PTCHD4: variants seen among roughly 807,000 people sequenced by gnomAD.
PTCHD4 encodes patched domain containing 4.
In PTCHD4, 33 loss-of-function variants were observed where a neutral mutation model predicts 58.1. That is an observed-to-expected ratio of 0.57 (90% CI 0.43 to 0.76). The LOEUF is 0.76. Ranked by LOEUF, PTCHD4 falls within the 30% of genes least tolerant of loss-of-function variation. The pLI, the probability that PTCHD4 is intolerant of heterozygous loss-of-function variation, is 0.00. For synonymous variants in PTCHD4, 478 were observed against 409.6 expected, an observed-to-expected ratio of 1.17 and a Z score of -2.02; for missense variants, 1,058 against 1,027.1, an observed-to-expected ratio of 1.03 and a Z score of -0.41.
chr6:48,049,758 G>A (rs1344699651), intron 3 of PTCHD4, among the ~76,000 whole-genome samples: 1 of 151,886 alleles, frequency 6.6e-6, no homozygotes, highest in East Asian at 1.9e-4. Context: ...TTTGCTGGTT[G>A]AGCTACTATT....
intron 1 of PTCHD4, among the ~76,000 whole-genome samples, chr6:48,107,194 C>A (rs1232785328): frequency 6.6e-6 from 1 of 152,164 alleles, no homozygotes; most frequent in South Asian, 2.1e-4. Flanking sequence ...TACCTGACTT[C>A]AAACTATACT....
At chr6:48,046,467 A>G (rs1407259836) in intron 3 of PTCHD4, among the ~76,000 whole-genome samples, 2 of 151,884 alleles carry the variant, frequency 1.3e-5, no homozygotes, top group Non-Finnish European at 2.9e-5. Context: ...TTGAATGAAT[A>G]TATATTCAAT....
intron 3 of PTCHD4, among the ~76,000 whole-genome samples, chr6:48,016,675 G>A (rs1385463664): frequency 6.6e-6 from 1 of 151,926 alleles, no homozygotes; most frequent in African/African-American, 2.4e-5. Flanking sequence ...TTAGTTTCAG[G>A]TTACTGTTCT....
chr6:47,897,840 C>T (rs183692692), intron 4 of PTCHD4, among the ~76,000 whole-genome samples: 1 of 151,488 alleles, frequency 6.6e-6, no homozygotes, highest in Admixed American at 6.6e-5. Flanking sequence ...AGTGAGAGTA[C>T]ATCTCTAACT....
intron 4 of PTCHD4, among the ~76,000 whole-genome samples, chr6:47,904,165 T>C (rs114551899): frequency 6.6e-6 from 1 of 152,172 alleles, no homozygotes. Context: ...GGATTTTGCA[T>C]AGAATAAGAT....
Position 47,960,113 on chromosome 6 carries a change from A to G in PTCHD4, c.898+48521T>C, listed in dbSNP as rs191391724. On this transcript the variant is annotated intron_variant, in intron 4 of 4. Transcript: ENST00000339488. ...GAAGTATGCTATGTAAAGTTCTTATACTATGTATGTAGTGGTAAAGTACCA... is the reference window on the plus strand; with the variant it reads ...GAAGTATGCTATGTAAAGTTCTTATGCTATGTATGTAGTGGTAAAGTACCA... Among the ~76,000 whole-genome samples, 71 of 152,300 alleles carry G rather than the reference A, an allele frequency of 4.7e-4. 1 individual carries two copies. Among genetic ancestry groups the G allele is most frequent in the African/African-American group, 1.2e-3 (49 of 41,586 alleles).
At chr6:48,099,660 T>A (rs1765556143) in intron 1 of PTCHD4, among the ~76,000 whole-genome samples, 1 of 152,208 alleles carries the variant, frequency 6.6e-6, no homozygotes, top group Non-Finnish European at 1.5e-5. Flanking sequence ...CGATATGAGG[T>A]TTAGAATGCA....
At chr6:47,985,166 C>G (rs550371111) in intron 4 of PTCHD4, among the ~76,000 whole-genome samples, 1 of 152,058 alleles carries the variant, frequency 6.6e-6, no homozygotes, top group Non-Finnish European at 1.5e-5. Context: ...CCTGCTTTCT[C>G]TATGTATAGC....
intron 1 of PTCHD4, among the ~76,000 whole-genome samples, chr6:48,086,511 T>G (rs1332454307): frequency 1.3e-5 from 2 of 151,232 alleles, no homozygotes; most frequent in Non-Finnish European, 2.9e-5. Flanking sequence ...CAATTTCTGT[T>G]TTTTTTTCCC....
intron 4 of PTCHD4, among the ~76,000 whole-genome samples, chr6:47,902,595 T>G (rs900113819): frequency 2.0e-5 from 3 of 152,216 alleles, no homozygotes; most frequent in African/African-American, 7.2e-5. Flanking sequence ...ACTAGAAGAT[T>G]AATTAGCAAT....
intron 3 of PTCHD4, among the ~76,000 whole-genome samples, chr6:48,015,966 G>A (rs757837180): frequency 2.0e-5 from 3 of 151,884 alleles, no homozygotes; most frequent in Non-Finnish European, 2.9e-5. Flanking sequence ...AGATCAAGGT[G>A]CCTGAGAACA....
intron 1 of PTCHD4, among the ~76,000 whole-genome samples, chr6:48,085,936 C>T (rs1765255651): frequency 6.6e-6 from 1 of 151,822 alleles, no homozygotes. Flanking sequence ...TCTAATTTGA[C>T]AATGAAAGAA....
At chr6:47,926,348 A>T (rs1353664625) in intron 4 of PTCHD4, among the ~76,000 whole-genome samples, 1 of 152,226 alleles carries the variant, frequency 6.6e-6, no homozygotes, top group Non-Finnish European at 1.5e-5. Context: ...GAACTAGGAT[A>T]CTATTTTTTA....
intron 3 of PTCHD4, among the ~76,000 whole-genome samples, chr6:48,022,039 T>A (rs776439044): frequency 1.3e-5 from 2 of 152,138 alleles, no homozygotes; most frequent in South Asian, 4.1e-4. Flanking sequence ...GTGAAGTTAG[T>A]TGTGTCTTAA....
intron 4 of PTCHD4, among the ~76,000 whole-genome samples, chr6:47,907,445 A>G (rs1297881152): frequency 6.6e-6 from 1 of 152,206 alleles, no homozygotes; most frequent in Non-Finnish European, 1.5e-5. Context: ...AGACAAGAAG[A>G]AGAAAACTGT....
chr6:47,881,740 T>C (rs982929343), intron 4 of PTCHD4, among the ~76,000 whole-genome samples: 22 of 152,274 alleles, frequency 1.4e-4, no homozygotes, highest in Admixed American at 4.6e-4. Context: ...TAAAGACACA[T>C]TGGCCAAACT....
intron 4 of PTCHD4, among the ~76,000 whole-genome samples, chr6:47,889,416 G>A (rs1411953732): frequency 1.3e-5 from 2 of 150,158 alleles, no homozygotes; most frequent in African/African-American, 2.5e-5. Flanking sequence ...CAGTGATGAT[G>A]AGCATTTTTT....
intron 4 of PTCHD4, among the ~76,000 whole-genome samples, chr6:47,897,384 G>A (rs1458133919): frequency 6.6e-6 from 1 of 152,162 alleles, no homozygotes; most frequent in East Asian, 1.9e-4. Context: ...CTTGCTCTCA[G>A]CTTTCTCATT....
Position 48,067,065 on chromosome 6 carries a change from C to T in PTCHD4, c.417+1165G>A, listed in dbSNP as rs561560948. Among the ~76,000 whole-genome samples, 23 of 152,158 alleles carry T rather than the reference C, an allele frequency of 1.5e-4. No individual in the cohort carries two copies. In the South Asian group the frequency reaches 3.9e-3, roughly 26 times the overall value. ...TCACATACATTAAAAAAATTTTTTT[C>T]TTCTTTGGAAACACCTGTCTTGGGA... On this transcript the variant is annotated intron_variant, in intron 3 of 4. Transcript: ENST00000339488.
Sources: gnomAD v4.1 joint callset for allele counts (sites outside exome capture counted in the v4.1 genomes callset) on GRCh38, gnomAD v4.1.1 for gene constraint, MANE v1.5 for transcripts, NCBI Gene and HGNC (gene_info 2026-07-23, HGNC 2026-07-21) for gene names.